Variants in LRRTM4 observed in about 807,000 individuals in gnomAD.
The protein encoded by LRRTM4 is leucine rich repeat transmembrane neuronal 4, also known as leucine-rich repeat transmembrane neuronal protein 4.
Under a neutral mutation model 47.6 loss-of-function variants are expected in LRRTM4, and 25 were observed. The observed-to-expected ratio is 0.53, with a 90% confidence interval of 0.38 to 0.73. The LOEUF (loss-of-function observed/expected upper bound fraction) is 0.73, where lower values mean the gene tolerates loss of function less well. LRRTM4 is among the 30% of genes least tolerant of loss of function. The pLI is 0.00. For missense variants in LRRTM4, 638 were observed against 713.4 expected (o/e 0.89, Z 1.20); for synonymous variants, 311 against 269.5 (o/e 1.15, Z -1.51).
chr2:77,488,605 T>A (rs1447356799), intron 3 of LRRTM4, among the ~76,000 whole-genome samples: 1 of 152,208 alleles, frequency 6.6e-6, no homozygotes, highest in African/African-American at 2.4e-5. Context: ...TTTAATGAAA[T>A]TTTAAAGTGA....
chr2:77,216,685 G>C (rs1301126443), intron 3 of LRRTM4, among the ~76,000 whole-genome samples: 1 of 152,084 alleles, frequency 6.6e-6, no homozygotes, highest in South Asian at 2.1e-4. Context: ...CAATAGAAAG[G>C]GTAACATGTG....
intron 3 of LRRTM4, among the ~76,000 whole-genome samples, chr2:77,241,490 A>C (rs1675266361): frequency 6.6e-6 from 1 of 152,060 alleles, no homozygotes; most frequent in African/African-American, 2.4e-5. Flanking sequence ...TACTGATGGA[A>C]GCTTCATAAA....
At chr2:77,237,993 TG>T (rs1283408857) in intron 3 of LRRTM4, among the ~76,000 whole-genome samples, 1 of 151,752 alleles carries the variant, frequency 6.6e-6, no homozygotes, top group Non-Finnish European at 1.5e-5. Flanking sequence ...GGGTATGGGG[TG>T]GGGAGGAAAT....
chr2:77,224,619 C>T (rs1211066622), intron 3 of LRRTM4, among the ~76,000 whole-genome samples: 2 of 152,186 alleles, frequency 1.3e-5, no homozygotes, highest in African/African-American at 4.8e-5. Context: ...AAATGCTCAT[C>T]ATCACTGGCG....
chr2:77,169,306 A>T (rs1672980599), intron 3 of LRRTM4, among the ~76,000 whole-genome samples: 1 of 152,188 alleles, frequency 6.6e-6, no homozygotes, highest in South Asian at 2.1e-4. Flanking sequence ...GAACATAATT[A>T]TATATATAGA....
At chr2:77,396,208 CATGT>C (rs1006708223) in intron 3 of LRRTM4, among the ~76,000 whole-genome samples, 7 of 151,894 alleles carry the variant, frequency 4.6e-5, no homozygotes, top group African/African-American at 1.4e-4. Context: ...CCCCCTTAAT[CATGT>C]ATGTATGTGT....
At position 77,182,015 on chromosome 2, in the gene LRRTM4, A is replaced by G. The variant is rs374817305; in HGVS notation, c.1551+336303T>C. On this transcript the variant is annotated intron_variant, in intron 3 of 3. Coordinates refer to ENST00000409884, the MANE Select transcript of LRRTM4 (RefSeq NM_001134745.3). ...AACAGTTGTGGAAGACAGTGTGGCAATTCCTCAAGGAACTAGAACCAGAAA... is the reference window on the plus strand; with the variant it reads ...AACAGTTGTGGAAGACAGTGTGGCAGTTCCTCAAGGAACTAGAACCAGAAA... Among the ~76,000 whole-genome samples the G allele has an allele frequency of 6.6e-5, 10 of 152,312 alleles. No homozygotes were observed. The East Asian group carries it at 1.9e-3, about 29-fold the overall frequency.
At chr2:77,396,202 CT>C (rs762174312) in intron 3 of LRRTM4, among the ~76,000 whole-genome samples, 1 of 151,878 alleles carries the variant, frequency 6.6e-6, no homozygotes, top group Non-Finnish European at 1.5e-5. Flanking sequence ...TAACAACCCC[CT>C]TAATCATGTA....
chr2:77,412,951 A>G (rs1044003012), intron 3 of LRRTM4, among the ~76,000 whole-genome samples: 1 of 152,064 alleles, frequency 6.6e-6, no homozygotes, highest in Non-Finnish European at 1.5e-5. Context: ...CTCTCTTATC[A>G]TTGTTCAGCA....
intron 2 of LRRTM4, 141 bp from the exon 3 acceptor site, chr2:77,520,005 T>C (rs972451631): frequency 1.5e-6 from 2 of 1,369,046 alleles, no homozygotes; most frequent in East Asian, 2.5e-5. Context: ...ATTTCGAGCA[T>C]TATTTTCTTC....
chr2:77,093,998 C>A (rs1670735261), intron 3 of LRRTM4, among the ~76,000 whole-genome samples: 1 of 132,802 alleles, frequency 7.5e-6, no homozygotes. Flanking sequence ...AACTGCCCCA[C>A]CCCTATCTCC....
chr2:77,404,273 A>C (rs1674078701), intron 3 of LRRTM4, among the ~76,000 whole-genome samples: 1 of 151,982 alleles, frequency 6.6e-6, no homozygotes, highest in African/African-American at 2.4e-5. Flanking sequence ...AATTATTGTA[A>C]TTGTATCCTA....
intron 3 of LRRTM4, among the ~76,000 whole-genome samples, chr2:77,404,240 T>A (rs1221267950): frequency 2.0e-5 from 3 of 151,972 alleles, no homozygotes; most frequent in African/African-American, 7.2e-5. Context: ...CTAACTAATT[T>A]ATAGAATAAA....
At chr2:76,790,939 T>C (rs1275140291) in intron 3 of LRRTM4, among the ~76,000 whole-genome samples, 3 of 152,148 alleles carry the variant, frequency 2.0e-5, no homozygotes, top group African/African-American at 7.2e-5. Flanking sequence ...AGTGGAAGAA[T>C]GTGTTTCCAT....
At chr2:77,352,932 C>A (rs373992770) in intron 3 of LRRTM4, among the ~76,000 whole-genome samples, 11 of 151,952 alleles carry the variant, frequency 7.2e-5, no homozygotes, top group Non-Finnish European at 1.0e-4. Context: ...ACATATTTGT[C>A]CTTATGAATA....
intron 3 of LRRTM4, among the ~76,000 whole-genome samples, chr2:77,297,625 G>T (rs1438019479): frequency 6.6e-6 from 1 of 152,108 alleles, no homozygotes; most frequent in East Asian, 1.9e-4. Context: ...ACACCATGGG[G>T]TTCTTCTCCT....
At chr2:76,917,977 T>G (rs947060438) in intron 3 of LRRTM4, among the ~76,000 whole-genome samples, 1 of 152,202 alleles carries the variant, frequency 6.6e-6, no homozygotes, top group African/African-American at 2.4e-5. Flanking sequence ...GAACTTTTCC[T>G]GCAATCTTGA....
chr2:77,278,429 A>G (rs1312561764), intron 3 of LRRTM4, among the ~76,000 whole-genome samples: 2 of 151,978 alleles, frequency 1.3e-5, no homozygotes, highest in African/African-American at 4.8e-5. Context: ...ATGTCCGTGA[A>G]TGTTGATCAG....
chr2:76,809,134 AATG>A (rs1011199056), intron 3 of LRRTM4, among the ~76,000 whole-genome samples: 18 of 152,212 alleles, frequency 1.2e-4, no homozygotes, highest in African/African-American at 3.9e-4. Context: ...TAGACAAGAA[AATG>A]ATGAAGAAAA....
Sources: allele counts gnomAD v4.1 joint callset (sites outside exome capture counted in the v4.1 genomes callset), GRCh38; gene constraint gnomAD v4.1.1; transcripts MANE v1.5; gene names NCBI Gene and HGNC (gene_info 2026-07-23, HGNC 2026-07-21).